The following ZMYM4 variants were observed in gnomAD, a reference collection of about 807,000 sequenced individuals.
ZMYM4 encodes zinc finger MYM-type protein 4.
Under a neutral mutation model 183.2 loss-of-function variants are expected in ZMYM4, and 31 were observed. That is an observed-to-expected ratio of 0.17 (90% CI 0.13 to 0.23). ZMYM4 has a LOEUF of 0.23. ZMYM4 is among the 10% of genes least tolerant of loss of function. The pLI is 1.00. For synonymous variants in ZMYM4, 592 were observed against 631.2 expected (o/e 0.94, Z 0.93); for missense variants, 1,273 against 1,840.3 (o/e 0.69, Z 5.64).
At position 35,398,872 on chromosome 1, in the gene ZMYM4, A is replaced by G. The variant is rs757406124; in HGVS notation, c.3262A>G (p.Ser1088Gly). ...TTATCTATATATTTCAGACCAAGGA[A>G]GTACATACAGTGGTGATCTTGAATC... Reference protein sequence around the residue: ...DTKIFEKDQGSTYSGDLESEA... With the variant: ...DTKIFEKDQGGTYSGDLESEA... The change falls in exon 22 of 30, where the codon AGT (serine) becomes GGT (glycine). Residue 1088 changes from serine (S) to glycine (G), a missense_variant. Around this residue, in one of 6 missense-constraint regions of ZMYM4, gnomAD observed 290 missense variants for 353.3 expected, o/e 0.82. Coordinates refer to ENST00000314607, the MANE Select transcript of ZMYM4 (RefSeq NM_005095.3). 3.9e-5 allele frequency: 63 copies of G among 1,614,048 alleles called. No homozygotes were observed. Among genetic ancestry groups the G allele is most frequent in the Non-Finnish European group, 5.2e-5 (61 of 1,179,924 alleles).
rs1310289096 is a variant in ZMYM4 at position 35,421,035 on chromosome 1, A to G, written c.*1358A>G. The G allele has an allele frequency of 6.6e-6, 1 of 152,294 alleles. No homozygotes were observed. The highest frequency in any genetic ancestry group is 1.5e-5 in the Non-Finnish European group (1 of 68,032). The allele number at this position is 152,294 out of a possible 1,614,324, so 9.4% of individuals were successfully genotyped here. ...ATCAAAGCTTTTATGACGTTTGCCAATTGCAGAACTTCTTCAGCTAAGGTT... is the reference window on the plus strand; with the variant it reads ...ATCAAAGCTTTTATGACGTTTGCCAGTTGCAGAACTTCTTCAGCTAAGGTT... On this transcript the variant is annotated 3_prime_UTR_variant, in exon 30 of 30. Coordinates refer to ENST00000314607, the MANE Select transcript of ZMYM4 (RefSeq NM_005095.3).
chr1:35,372,689 G>A (rs1404076950), intron 7 of ZMYM4, among the ~76,000 whole-genome samples: 7 of 151,746 alleles, frequency 4.6e-5, no homozygotes, highest in Non-Finnish European at 7.4e-5. Flanking sequence ...TTTTAAAAAG[G>A]TTTTGGGATA....
At chr1:35,309,943 T>TA (rs1641717659) in intron 1 of ZMYM4, among the ~76,000 whole-genome samples, 1 of 151,400 alleles carries the variant, frequency 6.6e-6, no homozygotes, top group Non-Finnish European at 1.5e-5. Flanking sequence ...TTTTTTTTTT[T>TA]TGAGATGGAG....
chr1:35,322,772 C>G (rs932600435), intron 1 of ZMYM4, among the ~76,000 whole-genome samples: 3 of 152,118 alleles, frequency 2.0e-5, no homozygotes, highest in African/African-American at 7.2e-5. Flanking sequence ...TCACTGTAAC[C>G]TCCGCTTCCC....
chr1:35,364,848 T>C (rs1011181243), intron 5 of ZMYM4, among the ~76,000 whole-genome samples: 1 of 152,220 alleles, frequency 6.6e-6, no homozygotes, highest in African/African-American at 2.4e-5. Context: ...TTCTTTACTT[T>C]ACTATATAAA....
intron 28 of ZMYM4, among the ~76,000 whole-genome samples, chr1:35,416,049 T>A (rs1640101979): frequency 6.6e-6 from 1 of 152,224 alleles, no homozygotes; most frequent in Admixed American, 6.5e-5. Context: ...AGTCAATCAC[T>A]AGTTAAACGA....
chr1:35,290,128 C>T (rs1194983418), intron 1 of ZMYM4, among the ~76,000 whole-genome samples: 1 of 151,988 alleles, frequency 6.6e-6, no homozygotes, highest in African/African-American at 2.4e-5. Context: ...CTACCACGCC[C>T]AGCTAATTTT....
chr1:35,273,238 G>C (rs1639705991), intron 1 of ZMYM4, among the ~76,000 whole-genome samples: 1 of 152,060 alleles, frequency 6.6e-6, no homozygotes, highest in Non-Finnish European at 1.5e-5. Flanking sequence ...ATATCCTAGT[G>C]CCTATACATG....
At chr1:35,286,594 A>ATT (rs35510573) in intron 1 of ZMYM4, among the ~76,000 whole-genome samples, 9 of 117,540 alleles carry the variant, frequency 7.7e-5, no homozygotes, top group African/African-American at 1.9e-4. Flanking sequence ...CTGTCTGCCT[A>ATT]TTTTTTTTTT....
intron 2 of ZMYM4, 118 bp from the exon 3 acceptor site, chr1:35,358,807 A>G (rs1261616540): frequency 5.8e-5 from 47 of 813,590 alleles, no homozygotes; most frequent in Non-Finnish European, 7.6e-5. Flanking sequence ...AATGAATACT[A>G]TGGTAATATC....
intron 2 of ZMYM4, among the ~76,000 whole-genome samples, chr1:35,357,388 G>T (rs1433840254): frequency 6.6e-6 from 1 of 152,114 alleles, no homozygotes; most frequent in Admixed American, 6.6e-5. Context: ...TTTAGTCTTC[G>T]CCTCACTCTA....
At chr1:35,273,363 T>G (rs1639712748) in intron 1 of ZMYM4, among the ~76,000 whole-genome samples, 1 of 152,214 alleles carries the variant, frequency 6.6e-6, no homozygotes, top group South Asian at 2.1e-4. Context: ...TCAAATAGCT[T>G]TTAAGACTCA....
At position 35,421,391 on chromosome 1, in the gene ZMYM4, G is replaced by A. The variant is rs963719775; in HGVS notation, c.*1714G>A. ...AAACTTCTTACTCCATACCTTGTTC[G>A]ATATGGAGGACAAATAATTGGATTG... is the stretch of plus-strand genomic sequence containing the variant. On this transcript the variant is annotated 3_prime_UTR_variant, in exon 30 of 30. Transcript: ENST00000314607. 24 of 152,540 alleles carry A rather than the reference G, an allele frequency of 1.6e-4. 1 individual carries two copies. The highest frequency in any genetic ancestry group is 1.2e-3 in the Admixed American group (19 of 15,268). The allele number at this position is 152,540 out of a possible 1,614,324, so 9.4% of individuals were successfully genotyped here.
intron 1 of ZMYM4, among the ~76,000 whole-genome samples, chr1:35,291,116 A>G (rs927872960): frequency 3.3e-5 from 5 of 152,154 alleles, no homozygotes; most frequent in African/African-American, 1.2e-4. Context: ...ATGGGTTTTT[A>G]TATAAACATG....
At chr1:35,399,396 T>G in intron 22 of ZMYM4, 86 bp from the exon 23 acceptor site, 1 of 1,200,976 alleles carries the variant, frequency 8.3e-7, no homozygotes, top group Non-Finnish European at 1.2e-6. Context: ...TAGTGATGAT[T>G]ACCTGATATT....
At chr1:35,283,256 C>G (rs1640283638) in intron 1 of ZMYM4, among the ~76,000 whole-genome samples, 1 of 146,148 alleles carries the variant, frequency 6.8e-6, no homozygotes, top group African/African-American at 2.5e-5. Context: ...CTCAAGCGAT[C>G]TACCTACCTC....
rs1370769768 is a variant in ZMYM4, at chr1:35,405,644, CTTGAG to C, written c.3796+179_3796+183del. ...TAAGGGTAAGGTTATGTCTTCTGCT[CTTGAG>C]TTTATTATGCAAATATACAGAATTT... On this transcript the variant is annotated intron_variant, in intron 25 of 29. Coordinates refer to ENST00000314607, the MANE Select transcript of ZMYM4 (RefSeq NM_005095.3). Among the ~76,000 whole-genome samples, 3 of 152,000 alleles carry C rather than the reference CTTGAG, an allele frequency of 2.0e-5. No individual in the cohort carries two copies. The South Asian group carries it at 6.2e-4, about 31-fold the overall frequency.
intron 1 of ZMYM4, among the ~76,000 whole-genome samples, chr1:35,295,288 G>A (rs920085151): frequency 1.5e-4 from 23 of 152,192 alleles, no homozygotes; most frequent in African/African-American, 5.5e-4. Context: ...AGTCATATGG[G>A]TATCTGATAG....
At chr1:35,316,394 A>G (rs1642047487) in intron 1 of ZMYM4, among the ~76,000 whole-genome samples, 1 of 152,230 alleles carries the variant, frequency 6.6e-6, no homozygotes, top group Admixed American at 6.5e-5. Flanking sequence ...TTCTCTAACA[A>G]CACAGTTCAT....
Sources: allele counts gnomAD v4.1 joint callset (sites outside exome capture counted in the v4.1 genomes callset), GRCh38; gene constraint gnomAD v4.1.1; regional missense constraint gnomAD v4.1.1; transcripts MANE v1.5; gene names NCBI Gene and HGNC (gene_info 2026-07-23, HGNC 2026-07-21).